Variants in SCLT1 observed in about 807,000 individuals in gnomAD.
SCLT1 encodes sodium channel-associated protein 1.
A neutral mutation model predicts 112.8 loss-of-function variants in SCLT1; 78 were observed. That is an observed-to-expected ratio of 0.69 (90% confidence interval 0.58 to 0.83). The LOEUF is 0.83. SCLT1 is among the 40% of genes least tolerant of loss of function. The pLI is 0.00. For missense variants in SCLT1, 747 were observed against 770.4 expected, an observed-to-expected ratio of 0.97 and a Z score of 0.36; for synonymous variants, 257 against 254.7, an observed-to-expected ratio of 1.01 and a Z score of -0.09.
rs771216231 is a variant in SCLT1 at position 129,082,420 on chromosome 4, A to G, written c.35-47T>C. ...ATTTCAGTTCATTGAGTAATGGTCA[A>G]TTCTTTAAAACTAGAAATACAGTAA... On this transcript the variant is annotated intron_variant, in intron 1 of 20. Coordinates refer to ENST00000281142, the MANE Select transcript of SCLT1 (RefSeq NM_144643.4). 5 of 1,184,636 alleles carry G rather than the reference A, an allele frequency of 4.2e-6. No individual in the cohort carries two copies. In the East Asian group the frequency reaches 1.2e-4, roughly 28 times the overall value. 73.4% of individuals were successfully genotyped at this position (1,184,636 alleles called of 1,614,324 possible).
At chr4:129,050,997 CTTGT>C (rs1748732836) in intron 2 of SCLT1, among the ~76,000 whole-genome samples, 1 of 151,570 alleles carries the variant, frequency 6.6e-6, no homozygotes, top group Non-Finnish European at 1.5e-5. Context: ...TTCCCCATTA[CTTGT>C]TTTTGTCAGG....
Position 129,039,752 on chromosome 4 carries a change from G to A in SCLT1, c.235-656C>T, listed in dbSNP as rs560136767. The A allele has an allele frequency of 1.3e-4, 22 of 163,524 alleles. No homozygotes were observed. The South Asian group carries it at 3.0e-3, about 22-fold the overall frequency. 10.1% of individuals were successfully genotyped at this position (163,524 alleles called of 1,614,324 possible). Reference sequence around the variant, plus strand: ...GGAATTAAATGAAGGTCTGATTAACGTTCTCTGAAGGAGTAAAAAGATGTT... The same window carrying A: ...GGAATTAAATGAAGGTCTGATTAACATTCTCTGAAGGAGTAAAAAGATGTT... On this transcript the variant is annotated intron_variant, in intron 4 of 20. Coordinates refer to ENST00000281142, the MANE Select transcript of SCLT1 (RefSeq NM_144643.4).
chr4:128,926,322 G>T (rs1483686066), intron 18 of SCLT1, among the ~76,000 whole-genome samples: 1 of 151,974 alleles, frequency 6.6e-6, no homozygotes, highest in African/African-American at 2.4e-5. Flanking sequence ...GTTCAACAAG[G>T]ATGTTCCACT....
intron 2 of SCLT1, among the ~76,000 whole-genome samples, chr4:129,063,842 C>T (rs1472027191): frequency 1.3e-5 from 2 of 152,130 alleles, no homozygotes; most frequent in East Asian, 1.9e-4. Context: ...TGGGTCTTTT[C>T]GAGTGTCCTG....
chr4:128,900,230 G>C (rs1208000551), intron 18 of SCLT1, among the ~76,000 whole-genome samples: 1 of 152,176 alleles, frequency 6.6e-6, no homozygotes, highest in Non-Finnish European at 1.5e-5. Flanking sequence ...TCAATCCTAA[G>C]CCAAAAGAAC....
intron 18 of SCLT1, among the ~76,000 whole-genome samples, chr4:128,925,149 C>T (rs1042812065): frequency 5.3e-5 from 8 of 152,084 alleles, no homozygotes; most frequent in African/African-American, 1.5e-4. Flanking sequence ...TTAGTCAATG[C>T]GTTGATTGCA....
At chr4:129,035,924 A>C (rs72924178) in intron 5 of SCLT1, among the ~76,000 whole-genome samples, 2,747 of 151,214 alleles carry the variant, frequency 0.018, 73 homozygotes, top group African/African-American at 0.056. Flanking sequence ...ATTCTCAGAT[A>C]GTATACTCTG....
chr4:128,882,077 T>C (rs572691250), downstream of SCLT1, among the ~76,000 whole-genome samples: 8 of 152,304 alleles, frequency 5.3e-5, no homozygotes, highest in African/African-American at 1.9e-4. Context: ...TTAGATTTTT[T>C]TGAAAAAGTA....
intron 5 of SCLT1, among the ~76,000 whole-genome samples, chr4:129,012,599 T>A (rs1186705171): frequency 6.6e-6 from 1 of 152,134 alleles, no homozygotes; most frequent in East Asian, 1.9e-4. Context: ...TGATGATTGG[T>A]CTAATATTTT....
intron 20 of SCLT1, among the ~76,000 whole-genome samples, chr4:128,887,182 A>G (rs1333037776): frequency 1.3e-5 from 2 of 152,186 alleles, no homozygotes; most frequent in African/African-American, 4.8e-5. Context: ...TGACACCAAA[A>G]CACATACTTG....
At chr4:128,951,266 T>C (rs1324264438) in intron 14 of SCLT1, among the ~76,000 whole-genome samples, 2 of 152,110 alleles carry the variant, frequency 1.3e-5, no homozygotes, top group African/African-American at 4.8e-5. Context: ...CAAATATGTT[T>C]TCCTTTGAAC....
intron 6 of SCLT1, 64 bp downstream of exon 6, chr4:129,003,677 A>C (rs1217602120): frequency 8.1e-7 from 1 of 1,235,938 alleles, no homozygotes; most frequent in Non-Finnish European, 1.1e-6. Context: ...AATAATGATT[A>C]ACATGAATTT....
At chr4:128,936,573 A>AT in intron 18 of SCLT1, 82 bp downstream of exon 18, 4 of 778,522 alleles carry the variant, frequency 5.1e-6, no homozygotes, top group Middle Eastern at 3.0e-4. Context: ...CATTTTTTAA[A>AT]AAAGATTATG....
At chr4:128,934,792 C>G (rs1579423965) in intron 18 of SCLT1, among the ~76,000 whole-genome samples, 1 of 151,652 alleles carries the variant, frequency 6.6e-6, no homozygotes, top group Non-Finnish European at 1.5e-5. Context: ...TTTTGTCAAC[C>G]TTTTATTTCT....
At chr4:128,878,022 C>G (rs566358124) in intron 3 of SCLT1, among the ~76,000 whole-genome samples, 1 of 152,262 alleles carries the variant, frequency 6.6e-6, no homozygotes, top group South Asian at 2.1e-4. Context: ...TAACTGAACT[C>G]TACATCCTAA....
intron 2 of SCLT1, among the ~76,000 whole-genome samples, chr4:129,058,994 T>A (rs1339822521): frequency 2.0e-5 from 3 of 152,200 alleles, no homozygotes; most frequent in Non-Finnish European, 4.4e-5. Context: ...GAGGATATAA[T>A]TGAATTCATC....
intron 18 of SCLT1, 114 bp downstream of exon 18, chr4:128,936,541 A>G (rs1410797819): frequency 3.8e-6 from 2 of 529,198 alleles, no homozygotes; most frequent in Non-Finnish European, 6.4e-6. Context: ...TACTGAAGAA[A>G]AAGGTAAGGT....
intron 2 of SCLT1, among the ~76,000 whole-genome samples, chr4:129,061,835 C>T (rs1750006413): frequency 6.6e-6 from 1 of 152,130 alleles, no homozygotes; most frequent in Non-Finnish European, 1.5e-5. Context: ...CAGAGCAAGG[C>T]ACACTCCAAT....
intron 4 of SCLT1, chr4:129,040,224 T>C (rs963440494): frequency 8.5e-6 from 6 of 702,668 alleles, no homozygotes; most frequent in Non-Finnish European, 1.6e-5. Context: ...TGAAACACAA[T>C]TAAACCAACA....
Sources: gnomAD v4.1 joint callset for allele counts (sites outside exome capture counted in the v4.1 genomes callset) on GRCh38, gnomAD v4.1.1 for gene constraint, MANE v1.5 for transcripts, NCBI Gene and HGNC (gene_info 2026-07-23, HGNC 2026-07-21) for gene names.